The following SCN7A variants were observed in gnomAD, a reference collection of about 807,000 sequenced individuals.
SCN7A encodes sodium voltage-gated channel alpha subunit 7, also known as sodium channel protein type 7 subunit alpha.
In SCN7A, 138 loss-of-function variants were observed where a neutral mutation model predicts 155.2. The ratio of observed to expected loss-of-function variants is 0.89; its 90% CI spans 0.77 to 1.02. The LOEUF (loss-of-function observed/expected upper bound fraction) is 1.02. Among genes scored for constraint, SCN7A ranks in the 50% least tolerant of loss-of-function variants. The pLI is 0.00. For missense variants in SCN7A, 2,058 were observed against 1,986.6 expected (o/e 1.04, Z -0.68); for synonymous variants, 693 against 649.0 (o/e 1.07, Z -1.03).
intron 10 of SCN7A, among the ~76,000 whole-genome samples, chr2:166,459,951 G>A (rs7590673): frequency 0.072 from 10,945 of 152,134 alleles, 725 homozygotes; most frequent in East Asian, 0.16. Context: ...ACAGGGAGGG[G>A]AACATCACGT....
chr2:166,446,801 T>C (rs1301351639), intron 12 of SCN7A, among the ~76,000 whole-genome samples: 1 of 151,942 alleles, frequency 6.6e-6, no homozygotes, highest in Non-Finnish European at 1.5e-5. Flanking sequence ...TCCTCACTCA[T>C]GGGTGGGAGT....
At chr2:166,486,293 G>C (rs2105534973) in intron 2 of SCN7A, among the ~76,000 whole-genome samples, 1 of 152,264 alleles carries the variant, frequency 6.6e-6, no homozygotes, top group East Asian at 1.9e-4. Context: ...CCCTAAATCA[G>C]TGAATAGACA....
intron 2 of SCN7A, among the ~76,000 whole-genome samples, chr2:166,478,647 T>A (rs1393335276): frequency 6.6e-6 from 1 of 151,958 alleles, no homozygotes; most frequent in African/African-American, 2.4e-5. Context: ...CTGATGGCAT[T>A]TTTCTCTCTG....
intron 20 of SCN7A, among the ~76,000 whole-genome samples, chr2:166,420,869 C>T (rs1015233461): frequency 1.3e-5 from 2 of 151,688 alleles, no homozygotes; most frequent in African/African-American, 2.4e-5. Context: ...TTCTGACAAC[C>T]GTATTTTTAA....
intron 10 of SCN7A, among the ~76,000 whole-genome samples, chr2:166,459,133 T>G (rs1182367892): frequency 6.6e-6 from 1 of 152,064 alleles, no homozygotes; most frequent in African/African-American, 2.4e-5. Flanking sequence ...CAATATTATT[T>G]CAATATACAG....
At position 166,427,657 on chromosome 2, in the gene SCN7A, GA is replaced by G. The variant is rs558920252; in HGVS notation, c.2853+130del. On this transcript the variant is annotated intron_variant, in intron 18 of 25. Coordinates refer to ENST00000643258, the MANE Select transcript of SCN7A (RefSeq NM_002976.4). Reference sequence around the variant, plus strand: ...ATTTAGATTTTAAATCACAGATTATGAAATTTGGTGCTATTTGGTGCTATAC... The same window carrying G: ...ATTTAGATTTTAAATCACAGATTATGAATTTGGTGCTATTTGGTGCTATAC... 2.0e-5 allele frequency: 12 copies of G among 615,082 alleles called. No individual in the cohort carries two copies. The South Asian group carries it at 6.7e-4, about 34-fold the overall frequency. 38.1% of individuals were successfully genotyped at this position (615,082 alleles called of 1,614,324 possible).
chr2:166,464,120 A>G (rs550550779), intron 9 of SCN7A, among the ~76,000 whole-genome samples: 31 of 151,348 alleles, frequency 2.0e-4, no homozygotes, highest in Admixed American at 5.3e-4. Flanking sequence ...ACATATGTGT[A>G]TATATACGTA....
chr2:166,426,232 A>C (rs1320103452), intron 18 of SCN7A, among the ~76,000 whole-genome samples: 5 of 152,134 alleles, frequency 3.3e-5, no homozygotes, highest in Non-Finnish European at 5.9e-5. Context: ...TGATGCAACA[A>C]AAGATACTAA....
intron 1 of SCN7A, among the ~76,000 whole-genome samples, chr2:166,488,599 C>A (rs1183459627): frequency 3.3e-5 from 5 of 151,074 alleles, no homozygotes; most frequent in African/African-American, 4.9e-5. Context: ...TAACTTAGTG[C>A]AGTTTTTTAA....
chr2:166,416,191 C>T (rs1051344844), intron 21 of SCN7A, among the ~76,000 whole-genome samples: 3 of 152,140 alleles, frequency 2.0e-5, no homozygotes, highest in Admixed American at 6.5e-5. Flanking sequence ...GCTCTCGAAC[C>T]CTGTTTTCTG....
chr2:166,485,377 A>G (rs1232741930), intron 2 of SCN7A, among the ~76,000 whole-genome samples: 1 of 152,160 alleles, frequency 6.6e-6, no homozygotes, highest in East Asian at 1.9e-4. Context: ...CTTCAGAATG[A>G]GAGTCAACAG....
chr2:166,410,963 T>C (rs1487677127), intron 23 of SCN7A, among the ~76,000 whole-genome samples: 3 of 151,996 alleles, frequency 2.0e-5, no homozygotes, highest in Non-Finnish European at 4.4e-5. Context: ...CCTGGTCACT[T>C]AAATTGACTG....
chr2:166,410,191 A>G, intron 24 of SCN7A, 29 bp downstream of exon 24: 1 of 1,449,948 alleles, frequency 6.9e-7, no homozygotes, highest in Non-Finnish European at 9.3e-7. Context: ...CCTCCATTGA[A>G]GTTTCAAAAA....
chr2:166,475,137 T>TATATATATATATATAC (rs1553520569), intron 3 of SCN7A, among the ~76,000 whole-genome samples: 1 of 133,866 alleles, frequency 7.5e-6, no homozygotes, highest in Non-Finnish European at 1.6e-5. Flanking sequence ...TATATATATA[T>TATATATATATATATAC]ACACACACAC....
At chr2:166,436,940 T>G (rs4000995) in intron 15 of SCN7A, among the ~76,000 whole-genome samples, 85,635 of 152,052 alleles carry the variant, frequency 0.56, 24,298 homozygotes, top group African/African-American at 0.63. Flanking sequence ...AAGCAGAGCA[T>G]AAAAATTTGT....
At chr2:166,413,152 G>T (rs1442387136) in intron 21 of SCN7A, 31 bp from the exon 22 acceptor site, 2 of 1,327,970 alleles carry the variant, frequency 1.5e-6, no homozygotes, top group Non-Finnish European at 1.0e-6. Context: ...TAAAATTTAT[G>T]CTTCCTGGCA....
chr2:166,471,078 TAC>T (rs1457651848), intron 6 of SCN7A, among the ~76,000 whole-genome samples: 1 of 151,848 alleles, frequency 6.6e-6, no homozygotes, highest in Non-Finnish European at 1.5e-5. Context: ...TATTTAAACT[TAC>T]AGTGATGATG....
At chr2:166,470,276 C>A (rs1213860895) in intron 7 of SCN7A, among the ~76,000 whole-genome samples, 1 of 151,772 alleles carries the variant, frequency 6.6e-6, no homozygotes, top group Non-Finnish European at 1.5e-5. Context: ...AAGAAAGAGG[C>A]AGATTAGACA....
At chr2:166,480,038 C>A (rs1237094622) in intron 2 of SCN7A, among the ~76,000 whole-genome samples, 1 of 152,156 alleles carries the variant, frequency 6.6e-6, no homozygotes, top group African/African-American at 2.4e-5. Flanking sequence ...TACAAACATG[C>A]ATATGGTCAC....
Sources: allele counts gnomAD v4.1 joint callset (sites outside exome capture counted in the v4.1 genomes callset), GRCh38; gene constraint gnomAD v4.1.1; transcripts MANE v1.5; gene names NCBI Gene and HGNC (gene_info 2026-07-23, HGNC 2026-07-21).